Variants in SH3GLB2 observed in about 807,000 individuals in gnomAD.
SH3GLB2 encodes the protein endophilin-B2.
A neutral mutation model predicts 48.0 loss-of-function variants in SH3GLB2; 24 were observed. The observed-to-expected ratio is 0.50, with a 90% CI of 0.36 to 0.70. SH3GLB2 has a LOEUF of 0.70. SH3GLB2 is among the 30% of genes least tolerant of loss of function. The pLI, the probability that SH3GLB2 is intolerant of heterozygous loss-of-function variation, is 0.00. For missense variants in SH3GLB2, 425 were observed against 516.0 expected (o/e 0.82, Z 1.71); for synonymous variants, 227 against 207.6 (o/e 1.09, Z -0.80).
intron 5 of SH3GLB2, chr9:129,013,198 G>A: frequency 3.0e-6 from 2 of 659,010 alleles, no homozygotes; most frequent in Non-Finnish European, 5.4e-6. Flanking sequence ...TGCTTATGGG[G>A]ACAGAGCTGT....
Position 129,017,150 on chromosome 9 carries a change from A to G in SH3GLB2, c.335-2246T>C, listed in dbSNP as rs571068534. Among the ~76,000 whole-genome samples the G allele has an allele frequency of 1.1e-4, 16 of 151,490 alleles. No homozygotes were observed. The South Asian group carries it at 3.3e-3, about 32-fold the overall frequency. On this transcript the variant is annotated intron_variant, in intron 3 of 10. Transcript: ENST00000372564. The stretch of plus-strand genomic sequence containing the variant: ...TTTTTAGTAGAGACAGGATTTCACC[A>G]TGTTGGCCAGGCTGGTCTTGAACTC...
intron 3 of SH3GLB2, among the ~76,000 whole-genome samples, chr9:129,019,177 G>C (rs1843628306): frequency 6.6e-6 from 1 of 151,500 alleles, no homozygotes; most frequent in Non-Finnish European, 1.5e-5. Flanking sequence ...CTTCAGCTTA[G>C]GAGTTTGAGA....
intron 1 of SH3GLB2, among the ~76,000 whole-genome samples, chr9:129,025,706 G>A (rs370000525): frequency 1.3e-5 from 2 of 151,104 alleles, no homozygotes; most frequent in African/African-American, 4.9e-5. Flanking sequence ...TGGTACCAAG[G>A]GCATCACCCT....
intron 8 of SH3GLB2, 80 bp downstream of exon 8, chr9:129,010,015 TGCTCTGTGAGGGCCATTCTGGGGCA>T: frequency 7.2e-7 from 1 of 1,396,438 alleles, no homozygotes; most frequent in Non-Finnish European, 1.0e-6. Flanking sequence ...CGGTGGGACT[TGCTCTGTGAGGGCCATTCTGGGGCA>T]GCCCTGCTGA....
chr9:129,012,852 C>T, intron 5 of SH3GLB2: 1 of 860,862 alleles, frequency 1.2e-6, no homozygotes, highest in South Asian at 1.8e-5. Context: ...CCTGGCATCC[C>T]CCCCTAAACC....
chr9:129,016,342 T>A (rs12684688), intron 3 of SH3GLB2, among the ~76,000 whole-genome samples: 2,572 of 34,022 alleles, frequency 0.076, 187 homozygotes, highest in Middle Eastern at 0.17. Flanking sequence ...AGACTGTCTT[T>A]AAAAAAAAAA....
chr9:129,021,063 CT>C (rs1458804511), intron 3 of SH3GLB2, 27 bp downstream of exon 3: 1 of 1,549,744 alleles, frequency 6.5e-7, no homozygotes, highest in Non-Finnish European at 8.7e-7. Flanking sequence ...ACCATGACCC[CT>C]AGTCCCTGGC....
chr9:129,011,974 C>T lies in SH3GLB2; in HGVS notation c.624+262G>A, dbSNP rs1843150368. On this transcript the variant is annotated intron_variant, in intron 6 of 10. Transcript: ENST00000372564. This position sits in a 1 kb window ranked among gnomAD's most constrained non-coding sequence, Gnocchi z 4.5. ...GCCGCCCTGAGTTCTCCACACTACT[C>T]AGTGTGGCTGGCCCTGCCGCCAGCT... The T allele has an allele frequency of 5.2e-6, 2 of 380,992 alleles. No individual in the cohort carries two copies. Among genetic ancestry groups the T allele is most frequent in the Non-Finnish European group, 9.3e-6 (2 of 214,908 alleles). 23.6% of individuals were successfully genotyped at this position (380,992 alleles called of 1,614,324 possible). A position where few individuals can be genotyped will look rare whatever the true frequency, so the allele number is the denominator to read the frequency against.
At chr9:129,022,451 G>T in intron 1 of SH3GLB2, 28 bp from the exon 2 acceptor site, 1 of 1,605,828 alleles carries the variant, frequency 6.2e-7, no homozygotes, top group Non-Finnish European at 8.5e-7. Flanking sequence ...CCAAGGGGTG[G>T]GGAGGGGGAG....
In SH3GLB2 at chr9:129,009,106, C is replaced by G; in HGVS notation, c.1080G>C (p.Glu360Asp). Residue 360 changes from glutamate (E) to aspartate (D), a missense_variant and splice_region_variant, in exon 10 of 11, where the codon GAG becomes GAC. By Grantham distance (45) the Glu-to-Asp change is conservative. Transcript: ENST00000372564. ...DSSELALLAD[E>D]LITVYSLPGM... ...CCCCACCTTGCGGCACCGGGCCCACCTCATCAGCCAGCAGGGCCAGCTCAC... is the reference window on the plus strand; with the variant it reads ...CCCCACCTTGCGGCACCGGGCCCACGTCATCAGCCAGCAGGGCCAGCTCAC... 6.2e-7 allele frequency: 1 copy of G among 1,607,950 alleles called. No individual in the cohort carries two copies. The highest frequency in any genetic ancestry group is 8.5e-7 in the Non-Finnish European group (1 of 1,179,754).
intron 2 of SH3GLB2, among the ~76,000 whole-genome samples, chr9:129,021,742 T>C (rs1374610831): frequency 6.6e-6 from 1 of 151,792 alleles, no homozygotes; most frequent in Admixed American, 6.6e-5. Flanking sequence ...GTGGATCATT[T>C]GAGGTCAGGA....
At chr9:129,027,443 ACT>A (rs1234827560) in intron 1 of SH3GLB2, among the ~76,000 whole-genome samples, 1 of 151,916 alleles carries the variant, frequency 6.6e-6, no homozygotes, top group Admixed American at 6.6e-5. Context: ...GTTGCCTGTT[ACT>A]CTCTGCCCCT....
intron 3 of SH3GLB2, among the ~76,000 whole-genome samples, chr9:129,017,330 T>C (rs1181163586): frequency 6.6e-6 from 1 of 152,190 alleles, no homozygotes; most frequent in Non-Finnish European, 1.5e-5. Flanking sequence ...TTAACCGATG[T>C]GGCCTCGCTG....
chr9:129,008,998 T>C, intron 10 of SH3GLB2, 108 bp downstream of exon 10: 1 of 1,537,378 alleles, frequency 6.5e-7, no homozygotes, highest in East Asian at 2.3e-5. Context: ...AACCTGCTGG[T>C]CCCCACTTTG....
chr9:129,022,412 C>T lies in SH3GLB2; in HGVS notation c.75G>A (p.Glu25=). 1 of 1,613,984 alleles carries T rather than the reference C, an allele frequency of 6.2e-7. No individual in the cohort carries two copies. Among genetic ancestry groups the T allele is most frequent in the Non-Finnish European group, 8.5e-7 (1 of 1,179,980 alleles). ...FFTRAVQFTE[E]KFGQAEKTEL... ...CAGTCTTCTCAGCCTGGCCAAATTT[C>T]TCCTCCGTGAACTACGCAGAGGGGA... The change falls in exon 2 of 11, where the codon GAG becomes GAA. Residue 25 remains glutamate, a synonymous_variant. Transcript: ENST00000372564.
At chr9:129,018,228 G>C (rs1465300662) in intron 3 of SH3GLB2, among the ~76,000 whole-genome samples, 1 of 152,142 alleles carries the variant, frequency 6.6e-6, no homozygotes, top group African/African-American at 2.4e-5. Context: ...ACTACTGACA[G>C]GAATAAAAAA....
At position 129,014,935 on chromosome 9, in the gene SH3GLB2, A is replaced by T. The variant is rs769314792; in HGVS notation, c.335-31T>A. On this transcript the variant is annotated intron_variant, in intron 3 of 10. Coordinates refer to ENST00000372564, the MANE Select transcript of SH3GLB2 (RefSeq NM_020145.4). The surrounding 1 kb of genome is among the most constrained non-coding windows in gnomAD (Gnocchi z 4.1). Reference sequence around the variant, plus strand: ...AAAACAGAGTTGAAGCGTGAGGAAGAAGGTCAGGCTCAGGCTACTCTGATC... The same window carrying T: ...AAAACAGAGTTGAAGCGTGAGGAAGTAGGTCAGGCTCAGGCTACTCTGATC... The T allele has an allele frequency of 1.2e-6, 2 of 1,607,328 alleles. No individual in the cohort carries two copies. Among genetic ancestry groups the T allele is most frequent in the Non-Finnish European group, 1.7e-6 (2 of 1,176,428 alleles).
chr9:129,020,978 A>C, intron 3 of SH3GLB2, 113 bp downstream of exon 3: 5 of 1,167,134 alleles, frequency 4.3e-6, no homozygotes, highest in Non-Finnish European at 5.6e-6. Context: ...ATTTAGAATG[A>C]ATTCAGGTAT....
chr9:129,027,976 G>C (rs1030834471), intron 1 of SH3GLB2, 116 bp downstream of exon 1: 49 of 962,048 alleles, frequency 5.1e-5, no homozygotes, highest in Non-Finnish European at 6.7e-5. Flanking sequence ...TGCCGCGGCG[G>C]GGACGAGGGC....
Sources: allele counts gnomAD v4.1 joint callset (sites outside exome capture counted in the v4.1 genomes callset), GRCh38; gene constraint gnomAD v4.1.1; non-coding constraint Gnocchi (gnomAD v3.1); transcripts MANE v1.5; gene names NCBI Gene and HGNC (gene_info 2026-07-23, HGNC 2026-07-21).